Variants in SLCO1B1 observed in about 807,000 individuals in gnomAD.
SLCO1B1 encodes OATP-2.
Under a neutral mutation model 70.1 loss-of-function variants are expected in SLCO1B1, and 81 were observed. The observed-to-expected ratio is 1.16, with a 90% CI of 0.97 to 1.39. SLCO1B1 has a LOEUF of 1.39. Among genes scored for constraint, SLCO1B1 ranks in the 40% most tolerant of loss-of-function variants. The pLI is 0.00. For synonymous variants in SLCO1B1, 283 were observed against 271.5 expected, an observed-to-expected ratio of 1.04 and a Z score of -0.42; for missense variants, 895 against 799.6, an observed-to-expected ratio of 1.12 and a Z score of -1.44.
intron 7 of SLCO1B1, among the ~76,000 whole-genome samples, chr12:21,180,385 T>C (rs557358729): frequency 5.5e-4 from 83 of 152,266 alleles, no homozygotes; most frequent in African/African-American, 1.9e-3. Context: ...CACTTTCCAT[T>C]AGTCTCAAAT....
chr12:21,225,508 A>T (rs943549010), intron 14 of SLCO1B1, among the ~76,000 whole-genome samples: 2 of 152,240 alleles, frequency 1.3e-5, no homozygotes, highest in Admixed American at 6.5e-5. Context: ...AACTCATAGT[A>T]TAATTTCTTT....
intron 7 of SLCO1B1, among the ~76,000 whole-genome samples, chr12:21,188,624 C>A (rs749681837): frequency 6.6e-6 from 1 of 151,886 alleles, no homozygotes; most frequent in Non-Finnish European, 1.5e-5. Flanking sequence ...TAACACCATC[C>A]CCCTTGATGC....
rs1220445713 is a variant in SLCO1B1 at position 21,216,206 on chromosome 12, C to A, written c.1498-913C>A. On this transcript the variant is annotated intron_variant, in intron 11 of 14. Transcript: ENST00000256958. ...AACCATCACTTCTTAAAATAGTGTT[C>A]TTTGTACCAAAGCTTAGTTTTATTG... is the stretch of plus-strand genomic sequence containing the variant. 3.3e-5 allele frequency among the ~76,000 whole-genome samples: 5 copies of A among 151,802 alleles called. 1 individual carries two copies.
chr12:21,218,693 A>G (rs183817914), intron 12 of SLCO1B1, among the ~76,000 whole-genome samples: 1 of 152,316 alleles, frequency 6.6e-6, no homozygotes, highest in Admixed American at 6.5e-5. Context: ...AAATTAAATA[A>G]TAGTCTGCAT....
At chr12:21,150,296 G>T (rs1940453591) in intron 2 of SLCO1B1, among the ~76,000 whole-genome samples, 1 of 152,132 alleles carries the variant, frequency 6.6e-6, no homozygotes, top group African/African-American at 2.4e-5. Context: ...CCTGCCTGCT[G>T]GCTCTGAAGA....
rs185513638 is a variant in SLCO1B1 at position 21,176,979 on chromosome 12, T to G, written c.481+82T>G. The G allele has an allele frequency of 1.6e-4, 164 of 1,052,474 alleles. No individual in the cohort carries two copies. In the African/African-American group the frequency reaches 2.4e-3, roughly 15 times the overall value. 65.2% of individuals were successfully genotyped at this position (1,052,474 alleles called of 1,614,324 possible). ...CTCTAAAAATTGTTGTGATATTCAT[T>G]AGCAAAATTTAATTAAGAATGAATA... On this transcript the variant is annotated intron_variant, in intron 5 of 14. Coordinates refer to ENST00000256958, the MANE Select transcript of SLCO1B1 (RefSeq NM_006446.5).
chr12:21,147,014 T>A (rs1210518246), intron 2 of SLCO1B1, among the ~76,000 whole-genome samples: 1 of 152,186 alleles, frequency 6.6e-6, no homozygotes, highest in Non-Finnish European at 1.5e-5. Context: ...TCTAGAGAGA[T>A]GTAGAGTCTC....
chr12:21,199,721 C>T (rs1941134072), intron 8 of SLCO1B1, among the ~76,000 whole-genome samples: 1 of 152,004 alleles, frequency 6.6e-6, no homozygotes, highest in Non-Finnish European at 1.5e-5. Flanking sequence ...ATACTTATAT[C>T]ATTAAGTACT....
chr12:21,215,351 C>T (rs1591824166), intron 11 of SLCO1B1, among the ~76,000 whole-genome samples: 2 of 152,214 alleles, frequency 1.3e-5, no homozygotes, highest in East Asian at 3.9e-4. Context: ...AGCTATGTTC[C>T]TTCAATGCCC....
intron 14 of SLCO1B1, among the ~76,000 whole-genome samples, chr12:21,226,342 A>T (rs1565444370): frequency 6.6e-6 from 1 of 152,046 alleles, no homozygotes; most frequent in Non-Finnish European, 1.5e-5. Context: ...TGAACCCAGG[A>T]GGCGGAGGTT....
At chr12:21,172,916 A>T in intron 3 of SLCO1B1, 125 bp downstream of exon 3, 1 of 896,876 alleles carries the variant, frequency 1.1e-6, no homozygotes, top group Non-Finnish European at 1.7e-6. Flanking sequence ...AACTAAAAAC[A>T]TTTGTGGTTG....
chr12:21,218,537 G>T (rs1474126679), intron 12 of SLCO1B1, among the ~76,000 whole-genome samples: 1 of 151,186 alleles, frequency 6.6e-6, no homozygotes, highest in African/African-American at 2.4e-5. Context: ...GTTTAATTTT[G>T]ACCCTGACTG....
chr12:21,192,392 A>G (rs1941040213), intron 7 of SLCO1B1, among the ~76,000 whole-genome samples: 2 of 151,704 alleles, frequency 1.3e-5, no homozygotes, highest in Non-Finnish European at 2.9e-5. Context: ...TTCTCATAGT[A>G]ATCTCTTATG....
At chr12:21,159,532 A>G (rs1288583149) in intron 2 of SLCO1B1, among the ~76,000 whole-genome samples, 2 of 152,188 alleles carry the variant, frequency 1.3e-5, no homozygotes, top group Non-Finnish European at 2.9e-5. Context: ...AACTGAAGAG[A>G]GAAAATATGA....
intron 2 of SLCO1B1, among the ~76,000 whole-genome samples, chr12:21,149,556 G>A (rs1009369711): frequency 1.3e-5 from 2 of 152,172 alleles, no homozygotes; most frequent in Non-Finnish European, 2.9e-5. Context: ...CAGGGGGCAA[G>A]CCGAAGCAGG....
intron 13 of SLCO1B1, among the ~76,000 whole-genome samples, chr12:21,223,662 G>T (rs1444773480): frequency 1.3e-5 from 2 of 151,714 alleles, no homozygotes; most frequent in East Asian, 3.9e-4. Flanking sequence ...AAACTAAATG[G>T]AATTAGTAAA....
chr12:21,202,743 T>A (rs1565437842), intron 10 of SLCO1B1, 57 bp downstream of exon 10: 2 of 1,350,550 alleles, frequency 1.5e-6, no homozygotes, highest in Admixed American at 1.8e-5. Context: ...ATTAAGAGTC[T>A]CTGTATAAGT....
At chr12:21,235,966 C>T (rs1438065397) in intron 14 of SLCO1B1, among the ~76,000 whole-genome samples, 1 of 152,008 alleles carries the variant, frequency 6.6e-6, no homozygotes, top group Non-Finnish European at 1.5e-5. Context: ...TTTTCTCTAG[C>T]TGCCGTTAGG....
intron 2 of SLCO1B1, among the ~76,000 whole-genome samples, chr12:21,159,723 A>G (rs114645754): frequency 0.011 from 1,655 of 152,182 alleles, 31 homozygotes; most frequent in African/African-American, 0.038. Flanking sequence ...ACATGATTCT[A>G]TATCTAGAAA....
Sources: allele counts gnomAD v4.1 joint callset (sites outside exome capture counted in the v4.1 genomes callset), GRCh38; gene constraint gnomAD v4.1.1; transcripts MANE v1.5; gene names NCBI Gene and HGNC (gene_info 2026-07-23, HGNC 2026-07-21).